Variants in COL21A1 observed in about 807,000 individuals in gnomAD.
The protein encoded by COL21A1 is collagen type XXI alpha 1 chain.
Under a neutral mutation model 137.9 loss-of-function variants are expected in COL21A1, and 149 were observed. The ratio of observed to expected loss-of-function variants is 1.08; its 90% CI spans 0.95 to 1.24. COL21A1 has a LOEUF of 1.24. Ranked by LOEUF, COL21A1 falls within the 50% of genes most tolerant of loss-of-function variation. The pLI, the probability that COL21A1 is intolerant of heterozygous loss-of-function variation, is 0.00. For synonymous variants in COL21A1, 456 were observed against 391.5 expected (o/e 1.16, Z -1.95); for missense variants, 1,167 against 1,158.4 (o/e 1.01, Z -0.11).
chr6:56,187,550 A>AT (rs1308186064), intron 1 of COL21A1, among the ~76,000 whole-genome samples: 1 of 152,228 alleles, frequency 6.6e-6, no homozygotes, highest in Non-Finnish European at 1.5e-5. Context: ...TGGTCGATTG[A>AT]TTTTCAACAA....
chr6:56,136,883 G>C (rs17219126), intron 12 of COL21A1, among the ~76,000 whole-genome samples: 22,848 of 151,946 alleles, frequency 0.15, 1,758 homozygotes, highest in Middle Eastern at 0.22. Context: ...CACTCCTATG[G>C]CCCAGTCAGC....
chr6:56,134,080 T>G (rs998007545), intron 12 of COL21A1, among the ~76,000 whole-genome samples: 1 of 152,188 alleles, frequency 6.6e-6, no homozygotes, highest in Non-Finnish European at 1.5e-5. Context: ...AACCCCAGAA[T>G]GGTATATCTA....
chr6:56,232,862 G>A (rs1256771568), intron 1 of COL21A1, among the ~76,000 whole-genome samples: 1 of 151,848 alleles, frequency 6.6e-6, no homozygotes, highest in African/African-American at 2.4e-5. Context: ...AATTACAGGT[G>A]CTTTTGAATA....
At chr6:56,202,661 T>C (rs79122582) in intron 1 of COL21A1, among the ~76,000 whole-genome samples, 2,197 of 152,320 alleles carry the variant, frequency 0.014, 31 homozygotes, top group Middle Eastern at 0.037. Context: ...AAACTGCTAG[T>C]TTCAGAGTCT....
intron 1 of COL21A1, among the ~76,000 whole-genome samples, chr6:56,184,701 T>C (rs900979991): frequency 1.3e-5 from 2 of 152,204 alleles, no homozygotes; most frequent in Non-Finnish European, 2.9e-5. Context: ...TTCAAAAAAT[T>C]GAAACCATAC....
chr6:56,349,203 C>T (rs1033669192), intron 1 of COL21A1, among the ~76,000 whole-genome samples: 3 of 152,196 alleles, frequency 2.0e-5, no homozygotes, highest in East Asian at 1.9e-4. Context: ...TTTAGTGAGA[C>T]GGGAAATTTA....
intron 1 of COL21A1, among the ~76,000 whole-genome samples, chr6:56,245,461 T>G (rs1395329317): frequency 6.6e-6 from 1 of 152,236 alleles, no homozygotes; most frequent in Non-Finnish European, 1.5e-5. Flanking sequence ...GGTATTTAAA[T>G]AAAAATCTAA....
chr6:56,124,039 C>CTTTTT, intron 16 of COL21A1, 23 bp downstream of exon 16: 1 of 1,274,120 alleles, frequency 7.8e-7, no homozygotes, highest in Non-Finnish European at 1.1e-6. Flanking sequence ...TTGTTTTGTC[C>CTTTTT]TTTTTTTTTT....
chr6:56,171,065 A>G lies in COL21A1; in HGVS notation c.704T>C (p.Leu235Ser), dbSNP rs769786517. ...AACCTTTTTATTTACATCTAAACCT[A>G]AAAGAATATCAAATCCCCTTTCATC... ...ARDERGFDIL[L>S]GLDVNKKVKK... The change falls in exon 4 of 30, where the codon TTA becomes TCA. Residue 235 changes from leucine to serine, a missense_variant. Leu to Ser is a moderately radical substitution (Grantham distance 145). Transcript: ENST00000244728. 8 of 1,609,816 alleles carry G rather than the reference A, an allele frequency of 5.0e-6. No individual in the cohort carries two copies. The Admixed American group carries it at 1.3e-4, about 27-fold the overall frequency.
At chr6:56,329,514 T>G (rs969615801) in intron 1 of COL21A1, among the ~76,000 whole-genome samples, 1 of 152,126 alleles carries the variant, frequency 6.6e-6, no homozygotes, top group Non-Finnish European at 1.5e-5. Flanking sequence ...AGCTGCATTT[T>G]CTCCCCTCTT....
At chr6:56,312,184 TA>T (rs1403372764) in intron 1 of COL21A1, among the ~76,000 whole-genome samples, 2 of 152,308 alleles carry the variant, frequency 1.3e-5, no homozygotes, top group East Asian at 3.9e-4. Context: ...CATCTGATCT[TA>T]AGATTGTTTG....
chr6:56,080,747 AG>A (rs1276562289), intron 17 of COL21A1, among the ~76,000 whole-genome samples: 2 of 151,896 alleles, frequency 1.3e-5, no homozygotes, highest in Non-Finnish European at 2.9e-5. Flanking sequence ...TTTAATATCC[AG>A]TTATCAAAAT....
At chr6:56,099,076 C>A (rs1288485145) in intron 17 of COL21A1, among the ~76,000 whole-genome samples, 4 of 151,802 alleles carry the variant, frequency 2.6e-5, no homozygotes, top group Middle Eastern at 6.8e-3. Context: ...GTATCATGTT[C>A]AACGTAAATA....
chr6:56,261,651 G>A (rs948250638), intron 1 of COL21A1, among the ~76,000 whole-genome samples: 3 of 152,188 alleles, frequency 2.0e-5, no homozygotes, highest in Non-Finnish European at 4.4e-5. Flanking sequence ...TATTTAAGGT[G>A]CCCAGTCTAA....
rs1488688614 is a variant in COL21A1 at position 56,359,983 on chromosome 6, G to A, written c.-39+33988C>T. On this transcript the variant is annotated intron_variant, in intron 1 of 28. Transcript: ENST00000370819. Reference sequence around the variant, plus strand: ...GTGCTCAAAACATCACTGAATAATCGTATTTGCACTGCAAATAATCACATA... The same window carrying A: ...GTGCTCAAAACATCACTGAATAATCATATTTGCACTGCAAATAATCACATA... Among the ~76,000 whole-genome samples the A allele has an allele frequency of 5.3e-5, 8 of 152,244 alleles. No individual in the cohort carries two copies. The South Asian group carries it at 8.3e-4, about 16-fold the overall frequency.
intron 1 of COL21A1, among the ~76,000 whole-genome samples, chr6:56,260,701 C>CAGGA (rs1491280444): frequency 0.034 from 4,335 of 125,690 alleles, 95 homozygotes; most frequent in Middle Eastern, 0.091. Flanking sequence ...GGCAGGCAGG[C>CAGGA]AGGCAGGCAG....
intron 10 of COL21A1, 31 bp from the exon 11 acceptor site, chr6:56,142,014 A>G: frequency 7.2e-7 from 1 of 1,390,874 alleles, no homozygotes; most frequent in Non-Finnish European, 9.8e-7. Context: ...AAAAAAAATA[A>G]TATTTCATCA....
chr6:56,313,528 C>G (rs899610629), intron 1 of COL21A1, among the ~76,000 whole-genome samples: 6 of 152,150 alleles, frequency 3.9e-5, no homozygotes, highest in African/African-American at 9.7e-5. Context: ...ACTGCCTTCA[C>G]AAATCAGAGA....
Position 56,171,162 on chromosome 6 carries a change from A to G in COL21A1, c.641-34T>C, listed in dbSNP as rs773261090. The G allele has an allele frequency of 2.7e-6, 4 of 1,507,414 alleles. No homozygotes were observed. In the South Asian group the frequency reaches 3.9e-5, roughly 15 times the overall value. 93.4% of individuals were successfully genotyped at this position (1,507,414 alleles called of 1,614,324 possible). On this transcript the variant is annotated intron_variant, in intron 3 of 29. Transcript: ENST00000244728. ...CAAAAGCAATAAAAGTTGGTTAATC[A>G]TGGACTATTCAAACAATAAAAGAAA...
Sources: gnomAD v4.1 joint callset for allele counts (sites outside exome capture counted in the v4.1 genomes callset) on GRCh38, gnomAD v4.1.1 for gene constraint, MANE v1.5 for transcripts, NCBI Gene and HGNC (gene_info 2026-07-23, HGNC 2026-07-21) for gene names.